Variants in KDM4B observed in about 807,000 individuals in gnomAD.
KDM4B encodes the protein lysine-specific demethylase 4B.
In KDM4B, 32 loss-of-function variants were observed where a neutral mutation model predicts 125.2. That is an observed-to-expected ratio of 0.26 (90% confidence interval 0.19 to 0.34). The LOEUF (loss-of-function observed/expected upper bound fraction) is 0.34. KDM4B is among the 10% of genes least tolerant of loss of function. The probability of loss-of-function intolerance (pLI) is 1.00; values close to 1 mark genes in which losing one functional copy is unlikely to be tolerated. For synonymous variants in KDM4B, 721 were observed against 677.9 expected, an observed-to-expected ratio of 1.06 and a Z score of -0.99; for missense variants, 1,190 against 1,577.7, an observed-to-expected ratio of 0.75 and a Z score of 4.16.
Position 5,152,470 on chromosome 19 carries a change from G to A in KDM4B, c.*959G>A, listed in dbSNP as rs2039965288. 6.6e-6 allele frequency: 1 copy of A among 152,362 alleles called. No homozygotes were observed. Among genetic ancestry groups the A allele is most frequent in the South Asian group, 2.1e-4 (1 of 4,836 alleles). 9.4% of individuals were successfully genotyped at this position (152,362 alleles called of 1,614,324 possible). A position where few individuals can be genotyped will look rare whatever the true frequency, so the allele number is the denominator to read the frequency against. Reference sequence around the variant, plus strand: ...ATGAGGGAGGCCCCCAGGCCCTTCTGGTTGGTAGTGAGTGTGGACAGCTTC... The same window carrying A: ...ATGAGGGAGGCCCCCAGGCCCTTCTAGTTGGTAGTGAGTGTGGACAGCTTC... On this transcript the variant is annotated 3_prime_UTR_variant, in exon 23 of 23. Transcript: ENST00000159111.
chr19:5,031,216 T>C (rs1416635464), intron 2 of KDM4B, among the ~76,000 whole-genome samples: 1 of 152,136 alleles, frequency 6.6e-6, no homozygotes, highest in African/African-American at 2.4e-5. Flanking sequence ...AGGTGAGGAT[T>C]GGGTACTGGG....
intron 1 of KDM4B, among the ~76,000 whole-genome samples, chr19:5,015,906 A>G (rs568473411): frequency 6.6e-6 from 1 of 152,130 alleles, no homozygotes; most frequent in Non-Finnish European, 1.5e-5. Flanking sequence ...CATTTTCTGC[A>G]CTTTTCCCCT....
Position 5,114,031 on chromosome 19 carries a change from G to A in KDM4B, c.1115+3213G>A, listed in dbSNP as rs2039205528. 7.8e-7 allele frequency: 1 copy of A among 1,283,800 alleles called. No homozygotes were observed. The highest frequency in any genetic ancestry group is 2.3e-5 in the Admixed American group (1 of 42,842). The allele number at this position is 1,283,800 out of a possible 1,614,324, so 79.5% of individuals were successfully genotyped here. Reference sequence around the variant, plus strand: ...GGGGGCTGTTTGTATTCTTCCCCCTGATGGATGGGTCGCCTAAAACTGCAG... The same window carrying A: ...GGGGGCTGTTTGTATTCTTCCCCCTAATGGATGGGTCGCCTAAAACTGCAG... On this transcript the variant is annotated intron_variant, in intron 10 of 22. Coordinates refer to ENST00000159111, the MANE Select transcript of KDM4B (RefSeq NM_015015.3). The surrounding 1 kb of genome is among the most constrained non-coding windows in gnomAD (Gnocchi z 5.8).
At chr19:5,068,147 A>G (rs2037833835) in intron 6 of KDM4B, among the ~76,000 whole-genome samples, 2 of 147,394 alleles carry the variant, frequency 1.4e-5, no homozygotes, top group Admixed American at 1.4e-4. Context: ...ATGCCCCAGC[A>G]TGGCCCCGAG....
intron 5 of KDM4B, among the ~76,000 whole-genome samples, chr19:5,042,532 T>A (rs2036852650): frequency 6.6e-6 from 1 of 150,376 alleles, no homozygotes; most frequent in Non-Finnish European, 1.5e-5. Flanking sequence ...AACAAACACC[T>A]GAGACTGGGT....
At chr19:4,993,547 T>TA (rs1384872915) in intron 1 of KDM4B, among the ~76,000 whole-genome samples, 1 of 152,242 alleles carries the variant, frequency 6.6e-6, no homozygotes, top group Non-Finnish European at 1.5e-5. Flanking sequence ...ATAATTGCTG[T>TA]ATCTTGCTAA....
chr19:4,991,253 C>T (rs1451207201), intron 1 of KDM4B, among the ~76,000 whole-genome samples: 2 of 151,920 alleles, frequency 1.3e-5, no homozygotes, highest in African/African-American at 4.8e-5. Flanking sequence ...CATGGCAACC[C>T]CCCCTGCCCT....
At chr19:5,077,231 G>A (rs761423789) in intron 7 of KDM4B, 136 bp from the exon 8 acceptor site, 2 of 733,606 alleles carry the variant, frequency 2.7e-6, no homozygotes, top group Admixed American at 2.2e-5. Flanking sequence ...ACCAAGGGCA[G>A]ATCTGGGCCG....
At position 5,082,034 on chromosome 19, in the gene KDM4B, G is replaced by A. The variant is rs1055193287; in HGVS notation, c.781-333G>A. Reference sequence around the variant, plus strand: ...CTGGAGACACCCCCACGGGCATTGTGTCCAGCCACGGCTCCATCTGCGGTT... The same window carrying A: ...CTGGAGACACCCCCACGGGCATTGTATCCAGCCACGGCTCCATCTGCGGTT... On this transcript the variant is annotated intron_variant, in intron 8 of 22. Coordinates refer to ENST00000159111, the MANE Select transcript of KDM4B (RefSeq NM_015015.3). This position sits in a 1 kb window ranked among gnomAD's most constrained non-coding sequence, Gnocchi z 5.4. Among the ~76,000 whole-genome samples the A allele has an allele frequency of 6.6e-6, 1 of 152,194 alleles. No homozygotes were observed. Among genetic ancestry groups the A allele is most frequent in the Non-Finnish European group, 1.5e-5 (1 of 68,028 alleles).
At chr19:5,113,316 T>C (rs1277631649) in intron 10 of KDM4B, 1 of 151,434 alleles carries the variant, frequency 6.6e-6, no homozygotes, top group Non-Finnish European at 1.5e-5. Flanking sequence ...GCCTTCAGTA[T>C]GTAAAACAAG....
At chr19:5,139,382 C>T (rs993637295) in intron 18 of KDM4B, among the ~76,000 whole-genome samples, 4 of 152,216 alleles carry the variant, frequency 2.6e-5, no homozygotes, top group African/African-American at 9.7e-5. Context: ...TGGGTTGCGC[C>T]GCAGCGGATG....
intron 1 of KDM4B, among the ~76,000 whole-genome samples, chr19:4,986,711 A>G (rs551143517): frequency 6.6e-6 from 1 of 152,206 alleles, no homozygotes; most frequent in African/African-American, 2.4e-5. Flanking sequence ...TCAGTCAGAG[A>G]CCTCTGAGCG....
intron 1 of KDM4B, among the ~76,000 whole-genome samples, chr19:4,970,111 G>T (rs1179953404): frequency 1.3e-5 from 2 of 152,168 alleles, no homozygotes; most frequent in Non-Finnish European, 2.9e-5. Context: ...GGGTCTGCCA[G>T]GGCCCAGGTC....
intron 2 of KDM4B, among the ~76,000 whole-genome samples, chr19:5,021,295 A>G (rs1337022478): frequency 1.3e-5 from 2 of 152,102 alleles, no homozygotes; most frequent in Non-Finnish European, 2.9e-5. Flanking sequence ...CTTTTAATTA[A>G]AACAAATACT....
At chr19:5,017,631 T>G (rs1437442261) in intron 2 of KDM4B, among the ~76,000 whole-genome samples, 1 of 152,230 alleles carries the variant, frequency 6.6e-6, no homozygotes, top group Non-Finnish European at 1.5e-5. Flanking sequence ...TTGTGCTTCC[T>G]TACAAGATGG....
At chr19:5,036,847 G>A (rs960264610) in intron 3 of KDM4B, among the ~76,000 whole-genome samples, 3 of 152,244 alleles carry the variant, frequency 2.0e-5, no homozygotes, top group Non-Finnish European at 4.4e-5. Context: ...TCCGCCCTGC[G>A]GGATTTTCCC....
At chr19:5,048,665 G>A (rs115783641) in intron 6 of KDM4B, among the ~76,000 whole-genome samples, 201 of 152,340 alleles carry the variant, frequency 1.3e-3, no homozygotes, top group African/African-American at 4.5e-3. Context: ...GCAGGAAGGG[G>A]CGAGCTGTGC....
chr19:5,090,591 T>C (rs960867329), intron 9 of KDM4B, among the ~76,000 whole-genome samples: 23 of 36,406 alleles, frequency 6.3e-4, no homozygotes, highest in South Asian at 2.0e-3. Context: ...CTCTCCCCCC[T>C]CCCTCTCTTT....
intron 6 of KDM4B, among the ~76,000 whole-genome samples, chr19:5,051,804 C>T (rs1426667311): frequency 1.3e-5 from 2 of 152,244 alleles, no homozygotes; most frequent in African/African-American, 2.4e-5. Context: ...CCATGACCCG[C>T]GGCAGTCTGG....
Sources: allele counts gnomAD v4.1 joint callset (sites outside exome capture counted in the v4.1 genomes callset), GRCh38; gene constraint gnomAD v4.1.1; non-coding constraint Gnocchi (gnomAD v3.1); transcripts MANE v1.5; gene names NCBI Gene and HGNC (gene_info 2026-07-23, HGNC 2026-07-21).